The following ADAMTSL1 variants were observed in gnomAD, a reference collection of about 807,000 sequenced individuals.
ADAMTSL1 encodes ADAMTS like 1, also known as ADAMTS-like protein 1.
In ADAMTSL1, 126 loss-of-function variants were observed where a neutral mutation model predicts 201.8. The observed-to-expected ratio is 0.62, with a 90% CI of 0.54 to 0.72. The LOEUF is 0.72. ADAMTSL1 is among the 30% of genes least tolerant of loss of function. ADAMTSL1 has a pLI of 0.00. For missense variants in ADAMTSL1, 2,679 were observed against 2,277.8 expected (o/e 1.18, Z -3.59); for synonymous variants, 1,121 against 903.4 (o/e 1.24, Z -4.32).
At chr9:18,786,369 G>A (rs948076408) in intron 19 of ADAMTSL1, among the ~76,000 whole-genome samples, 3 of 152,174 alleles carry the variant, frequency 2.0e-5, no homozygotes, top group Non-Finnish European at 2.9e-5. Flanking sequence ...ACGGTGGTAG[G>A]AGACAGTAAG....
At chr9:18,362,609 AT>A (rs1331880462) in intron 2 of ADAMTSL1, among the ~76,000 whole-genome samples, 1 of 152,230 alleles carries the variant, frequency 6.6e-6, no homozygotes, top group Non-Finnish European at 1.5e-5. Flanking sequence ...CATATAATCC[AT>A]AATCAGAGAT....
chr9:18,795,919 C>G (rs903997144), intron 20 of ADAMTSL1, among the ~76,000 whole-genome samples: 1 of 152,166 alleles, frequency 6.6e-6, no homozygotes, highest in East Asian at 1.9e-4. Flanking sequence ...CCACCTGTTG[C>G]AAGAAAGACT....
intron 10 of ADAMTSL1, among the ~76,000 whole-genome samples, chr9:18,679,754 A>T (rs1001631934): frequency 6.6e-6 from 1 of 152,176 alleles, no homozygotes; most frequent in African/African-American, 2.4e-5. Context: ...TGCTGAATCT[A>T]AGTAGTCCCA....
At chr9:18,771,618 T>C (rs1013881966) in intron 17 of ADAMTSL1, among the ~76,000 whole-genome samples, 2 of 151,612 alleles carry the variant, frequency 1.3e-5, no homozygotes, top group African/African-American at 4.8e-5. Context: ...TCACTAGACC[T>C]GAAGTGAAAA....
chr9:18,548,214 G>A (rs551375968), intron 3 of ADAMTSL1, among the ~76,000 whole-genome samples: 6 of 152,122 alleles, frequency 3.9e-5, no homozygotes, highest in African/African-American at 9.6e-5. Flanking sequence ...TCTTTGAGTC[G>A]CTGAATGAAC....
intron 26 of ADAMTSL1, among the ~76,000 whole-genome samples, chr9:18,903,560 A>G (rs1830126039): frequency 6.6e-6 from 1 of 152,210 alleles, no homozygotes; most frequent in African/African-American, 2.4e-5. Flanking sequence ...GGCCCAGTGC[A>G]AAATGAAAAT....
intron 1 of ADAMTSL1, among the ~76,000 whole-genome samples, chr9:18,131,466 A>C (rs1587122801): frequency 1.3e-5 from 2 of 152,262 alleles, no homozygotes; most frequent in East Asian, 3.9e-4. Flanking sequence ...TTTCTTAGAG[A>C]TGATTAGTCT....
At chr9:17,962,862 C>T (rs1588484753) in intron 1 of ADAMTSL1, among the ~76,000 whole-genome samples, 1 of 152,234 alleles carries the variant, frequency 6.6e-6, no homozygotes, top group Non-Finnish European at 1.5e-5. Context: ...ACATCACACT[C>T]AAAGTACATG....
chr9:17,980,223 G>A (rs1818632053), intron 1 of ADAMTSL1, among the ~76,000 whole-genome samples: 1 of 152,096 alleles, frequency 6.6e-6, no homozygotes, highest in East Asian at 1.9e-4. Context: ...TAGATCTTGT[G>A]AAGGTAGTTT....
chr9:18,847,339 C>G (rs1826188413), intron 23 of ADAMTSL1, among the ~76,000 whole-genome samples: 1 of 152,164 alleles, frequency 6.6e-6, no homozygotes, highest in South Asian at 2.1e-4. Flanking sequence ...ATACAACAGA[C>G]ACACTTACTG....
intron 20 of ADAMTSL1, among the ~76,000 whole-genome samples, chr9:18,798,952 C>G (rs1394719978): frequency 6.6e-6 from 1 of 152,172 alleles, no homozygotes; most frequent in African/African-American, 2.4e-5. Flanking sequence ...GTGCCTTTTG[C>G]TCCTCTCTAA....
chr9:18,718,115 C>A, intron 14 of ADAMTSL1: 1 of 1,213,752 alleles, frequency 8.2e-7, no homozygotes. Flanking sequence ...ACAGTTGTTC[C>A]ATTGTCTTGC....
chr9:18,841,654 A>G (rs2131321012), intron 23 of ADAMTSL1, among the ~76,000 whole-genome samples: 1 of 152,332 alleles, frequency 6.6e-6, no homozygotes, highest in East Asian at 1.9e-4. Context: ...TCGGCTGTGA[A>G]TCCATCTGAT....
chr9:18,326,360 G>A (rs952871684), intron 2 of ADAMTSL1, among the ~76,000 whole-genome samples: 8 of 151,116 alleles, frequency 5.3e-5, no homozygotes, highest in Admixed American at 3.3e-4. Context: ...TGATGTGGAT[G>A]TATTTTTTAT....
rs141203629 is a variant in ADAMTSL1, at chr9:18,010,973, A to T, written c.87+104051A>T. Among the ~76,000 whole-genome samples the T allele has an allele frequency of 1.5e-3, 225 of 152,116 alleles. 7 individuals are homozygous for T. The South Asian group carries it at 0.046, about 31-fold the overall frequency. ...TATGATTTTATGAGTATTAAATTCT[A>T]TAATTTCATTAGGCAATCAGTTTCT... On this transcript the variant is annotated intron_variant, in intron 1 of 29. Transcript: ENST00000680146.
chr9:18,403,059 G>T (rs964667517), intron 2 of ADAMTSL1, among the ~76,000 whole-genome samples: 38 of 152,108 alleles, frequency 2.5e-4, no homozygotes, highest in Non-Finnish European at 1.0e-4. Flanking sequence ...CAGAGCTGTG[G>T]TTTCAGTCTG....
At chr9:18,240,411 A>G (rs947386411) in intron 2 of ADAMTSL1, among the ~76,000 whole-genome samples, 1 of 151,888 alleles carries the variant, frequency 6.6e-6, no homozygotes, top group Non-Finnish European at 1.5e-5. Flanking sequence ...TGCTATAAAT[A>G]GATGAGCTGT....
intron 1 of ADAMTSL1, among the ~76,000 whole-genome samples, chr9:18,494,217 A>T (rs1382194545): frequency 1.3e-5 from 2 of 152,102 alleles, no homozygotes; most frequent in African/African-American, 2.4e-5. Context: ...TTACCCGGGC[A>T]TGGTGGCGGG....
intron 1 of ADAMTSL1, among the ~76,000 whole-genome samples, chr9:18,503,012 A>T (rs374428596): frequency 1.2e-4 from 18 of 152,094 alleles, no homozygotes; most frequent in Non-Finnish European, 2.2e-4. Context: ...ATGTATGTTT[A>T]TATTTGTTTT....
Sources: allele counts gnomAD v4.1 joint callset (sites outside exome capture counted in the v4.1 genomes callset), GRCh38; gene constraint gnomAD v4.1.1; transcripts MANE v1.5; gene names NCBI Gene and HGNC (gene_info 2026-07-23, HGNC 2026-07-21).